Variants in ITGAE observed in about 807,000 individuals in gnomAD.
The protein encoded by ITGAE is integrin subunit alpha E.
ITGAE carries 99 observed loss-of-function variants against 136.5 expected under a neutral mutation model. The ratio of observed to expected loss-of-function variants is 0.73; its 90% CI spans 0.62 to 0.86. The LOEUF is 0.86. Among genes scored for constraint, ITGAE ranks in the 40% least tolerant of loss-of-function variants. ITGAE has a pLI of 0.00. For synonymous variants in ITGAE, 613 were observed against 591.8 expected, an observed-to-expected ratio of 1.04 and a Z score of -0.52; for missense variants, 1,447 against 1,515.3, an observed-to-expected ratio of 0.95 and a Z score of 0.75.
rs2052573165 is a variant in ITGAE at position 3,777,581 on chromosome 17, G to A, written c.114C>T (p.Leu38=). 14 of 1,613,924 alleles carry A rather than the reference G, an allele frequency of 8.7e-6. No homozygotes were observed. Among genetic ancestry groups the A allele is most frequent in the Non-Finnish European group, 1.1e-5 (13 of 1,179,902 alleles). Residue 38 remains leucine, a synonymous_variant, in exon 2 of 31, where the codon CTC becomes CTT. Coordinates refer to ENST00000263087, the MANE Select transcript of ITGAE (RefSeq NM_002208.5). ...TGGGGTCTTGGTGCAGAAGGGAGCT[G>A]AGCACGAAAGGGGCACCTCCCTTGG... ...LTPKGGAPFV[L]SSLLHQDPST... is the part of the protein sequence containing the mutation.
chr17:3,776,099 C>T (rs1314866881), intron 2 of ITGAE, among the ~76,000 whole-genome samples: 1 of 144,662 alleles, frequency 6.9e-6, no homozygotes, highest in African/African-American at 2.6e-5. Flanking sequence ...GCTCTGTCGC[C>T]CAGGCTGTAG....
chr17:3,768,271 C>T (rs917605039), intron 2 of ITGAE, among the ~76,000 whole-genome samples: 5 of 152,224 alleles, frequency 3.3e-5, no homozygotes, highest in South Asian at 2.1e-4. Flanking sequence ...ACCACAGATG[C>T]GTGCCATCAC....
Position 3,720,420 on chromosome 17 carries a change from G to A in ITGAE, c.3238-18C>T, listed in dbSNP as rs766507125. 203 of 1,114,562 alleles carry A rather than the reference G, an allele frequency of 1.8e-4. No individual in the cohort carries two copies. Among genetic ancestry groups the A allele is most frequent in the Non-Finnish European group, 2.6e-4 (192 of 725,104 alleles). 69.0% of individuals were successfully genotyped at this position (1,114,562 alleles called of 1,614,324 possible). The stretch of plus-strand genomic sequence containing the variant: ...TTTAGTAACTAGAAGATGGGGAAAG[G>A]AATGAGGGAAACAAAACATATTTTA... On this transcript the variant is annotated intron_variant, in intron 28 of 30. Transcript: ENST00000263087.
rs2050999265 is a variant in ITGAE at position 3,719,234 on chromosome 17, T to TAAAAAAAAAA, written c.3333+1072_3333+1073insTTTTTTTTTT. On this transcript the variant is annotated intron_variant, in intron 29 of 30. Coordinates refer to ENST00000263087, the MANE Select transcript of ITGAE (RefSeq NM_002208.5). ...CTGGGCGACACAGTGAGATTCTTCC[T>TAAAAAAAAAA]CAAAAAAAAAAAAAAAAAAAAAGAA... Among the ~76,000 whole-genome samples, 19 of 34,802 alleles carry TAAAAAAAAAA rather than the reference T, an allele frequency of 5.5e-4. 1 individual carries two copies. Among genetic ancestry groups the TAAAAAAAAAA allele is most frequent in the African/African-American group, 2.3e-3 (19 of 8,226 alleles). The allele number at this position is 34,802 out of a possible 152,430, so 22.8% of individuals were successfully genotyped here. A position where few individuals can be genotyped will look rare whatever the true frequency, so the allele number is the denominator to read the frequency against.
At chr17:3,751,961 G>A in intron 14 of ITGAE, 87 bp from the exon 15 acceptor site, 1 of 1,175,242 alleles carries the variant, frequency 8.5e-7, no homozygotes. Context: ...CACTGGGCCG[G>A]TGGGTGCCCA....
chr17:3,723,023 A>C (rs1217802868), intron 28 of ITGAE, among the ~76,000 whole-genome samples: 1 of 152,204 alleles, frequency 6.6e-6, no homozygotes, highest in South Asian at 2.1e-4. Flanking sequence ...TTGGCCCTGA[A>C]ATGGCAGGGC....
intron 12 of ITGAE, 40 bp from the exon 13 acceptor site, chr17:3,753,965 T>C: frequency 6.3e-7 from 1 of 1,599,986 alleles, no homozygotes; most frequent in Non-Finnish European, 8.5e-7. Flanking sequence ...CACCGTGTGC[T>C]CCCACCTGGC....
chr17:3,780,914 G>A (rs2052652810), intron 1 of ITGAE, among the ~76,000 whole-genome samples: 2 of 151,886 alleles, frequency 1.3e-5, no homozygotes, highest in East Asian at 3.9e-4. Flanking sequence ...ATGTTGCCCA[G>A]GCTGGTCTCC....
intron 16 of ITGAE, among the ~76,000 whole-genome samples, chr17:3,748,548 C>T (rs34232106): frequency 0.077 from 11,757 of 152,210 alleles, 582 homozygotes; most frequent in Non-Finnish European, 0.11. Context: ...CATCCTGCCA[C>T]GGCACTCCAG....
chr17:3,773,258 G>A (rs113430115), intron 2 of ITGAE, among the ~76,000 whole-genome samples: 13,966 of 152,110 alleles, frequency 0.092, 698 homozygotes, highest in East Asian at 0.18. Context: ...TTGAGAGGCC[G>A]AGGCGGGCGG....
rs565538040 is a variant in ITGAE, at chr17:3,782,355, G to C, written c.35-4695C>G. On this transcript the variant is annotated intron_variant, in intron 1 of 30. Coordinates refer to ENST00000263087, the MANE Select transcript of ITGAE (RefSeq NM_002208.5). ...TTAAATCTCTAGTGTGTGTGTGTGT[G>C]TGTGTGTGTGTGTGTACTTTTTTTT... Among the ~76,000 whole-genome samples the C allele has an allele frequency of 2.5e-3, 359 of 146,002 alleles. 2 individuals carry two copies. The highest frequency in any genetic ancestry group is 8.8e-3 in the African/African-American group (350 of 39,794).
In ITGAE at chr17:3,743,540, G is replaced by C; in HGVS notation, c.2397C>G (p.Asp799Glu). 6.2e-7 allele frequency: 1 copy of C among 1,612,050 alleles called. No individual in the cohort carries two copies. Among genetic ancestry groups the C allele is most frequent in the Non-Finnish European group, 8.5e-7 (1 of 1,179,436 alleles). ...YQLQTPEGQT[D>E]HPQPILDRYT... ...AGCGGTCCAGGATGGGCTGGGGATG[G>C]TCCGTCTGTCCCTCAGGGGTCTGGA... The change falls in exon 19 of 31, where the codon GAC (aspartate) becomes GAG (glutamate). Residue 799 changes from aspartate (D) to glutamate (E), a missense_variant. By Grantham distance (45) the Asp-to-Glu change is conservative. Coordinates refer to ENST00000263087, the MANE Select transcript of ITGAE (RefSeq NM_002208.5).
intron 9 of ITGAE, among the ~76,000 whole-genome samples, 154 bp downstream of exon 9, chr17:3,757,552 C>T (rs1325075547): frequency 1.3e-5 from 2 of 152,144 alleles, no homozygotes. Flanking sequence ...TGAGCCCTCT[C>T]TGGGATGACA....
At chr17:3,780,420 C>T (rs1468615545) in intron 1 of ITGAE, among the ~76,000 whole-genome samples, 2 of 152,130 alleles carry the variant, frequency 1.3e-5, no homozygotes, top group Non-Finnish European at 2.9e-5. Flanking sequence ...ACCTCGGCCT[C>T]CCAAAGTGCT....
At position 3,799,972 on chromosome 17, in the gene ITGAE, A is replaced by G. The variant is rs188551837; in HGVS notation, c.34+1139T>C. ...TGTCTCTACTAAAAATACAAAAATT[A>G]GCCAGGCGTGGTGGCAGGCGCCTGT... On this transcript the variant is annotated intron_variant, in intron 1 of 30. Coordinates refer to ENST00000263087, the MANE Select transcript of ITGAE (RefSeq NM_002208.5). The surrounding 1 kb of genome is among the most constrained non-coding windows in gnomAD (Gnocchi z 4.1). Among the ~76,000 whole-genome samples, 680 of 152,264 alleles carry G rather than the reference A, an allele frequency of 4.5e-3. 6 individuals carry two copies. The highest frequency in any genetic ancestry group is 0.015 in the African/African-American group (627 of 41,550).
intron 24 of ITGAE, among the ~76,000 whole-genome samples, chr17:3,729,191 C>T (rs1041543659): frequency 1.3e-5 from 2 of 152,212 alleles, no homozygotes; most frequent in Non-Finnish European, 2.9e-5. Context: ...CCCCTCCTTA[C>T]TTCCCAGTCC....
At chr17:3,736,470 TG>T (rs2051461699) in intron 20 of ITGAE, among the ~76,000 whole-genome samples, 2 of 152,222 alleles carry the variant, frequency 1.3e-5, no homozygotes, top group Admixed American at 6.6e-5. Context: ...ACAATATTTA[TG>T]GGGCACTGCT....
rs1012019381 is a variant in ITGAE, at chr17:3,799,731, C to T, written c.34+1380G>A. Among the ~76,000 whole-genome samples the T allele has an allele frequency of 6.6e-6, 1 of 152,102 alleles. No individual in the cohort carries two copies. The highest frequency in any genetic ancestry group is 2.4e-5 in the African/African-American group (1 of 41,424). On this transcript the variant is annotated intron_variant, in intron 1 of 30. Transcript: ENST00000263087. This position sits in a 1 kb window ranked among gnomAD's most constrained non-coding sequence, Gnocchi z 4.1. ...AAAAAGAGTGAGACTCTCTCCACAC[C>T]CCACATGTAACTAAAAACAGAGAAG...
intron 2 of ITGAE, among the ~76,000 whole-genome samples, chr17:3,769,263 T>A (rs1251916617): frequency 6.6e-6 from 1 of 152,146 alleles, no homozygotes; most frequent in African/African-American, 2.4e-5. Flanking sequence ...CCCCAGCTCC[T>A]CAGGAAGCCT....
Sources: allele counts gnomAD v4.1 joint callset (sites outside exome capture counted in the v4.1 genomes callset), GRCh38; gene constraint gnomAD v4.1.1; non-coding constraint Gnocchi (gnomAD v3.1); transcripts MANE v1.5; gene names NCBI Gene and HGNC (gene_info 2026-07-23, HGNC 2026-07-21).